Variants in CDKL2 observed in about 807,000 individuals in gnomAD.
The protein encoded by CDKL2 is cyclin-dependent kinase-like 2.
A neutral mutation model predicts 63.9 loss-of-function variants in CDKL2; 64 were observed. The observed-to-expected ratio is 1.00, with a 90% confidence interval of 0.82 to 1.23. CDKL2 has a LOEUF of 1.23. Ranked by LOEUF, CDKL2 falls within the 50% of genes most tolerant of loss-of-function variation. CDKL2 has a pLI of 0.00. For synonymous variants in CDKL2, 211 were observed against 229.2 expected (o/e 0.92, Z 0.72); for missense variants, 656 against 668.0 (o/e 0.98, Z 0.20).
At chr4:75,608,170 G>A (rs375413731) in intron 3 of CDKL2, among the ~76,000 whole-genome samples, 5 of 130,696 alleles carry the variant, frequency 3.8e-5, no homozygotes, top group African/African-American at 1.4e-4. Context: ...TGTCGCCCAG[G>A]CTGGAGTGCA....
chr4:75,625,898 C>G lies in CDKL2; in HGVS notation c.91G>C (p.Ala31Pro). 6.2e-7 allele frequency: 1 copy of G among 1,612,862 alleles called. No individual in the cohort carries two copies. Among genetic ancestry groups the G allele is most frequent in the Non-Finnish European group, 8.5e-7 (1 of 1,179,240 alleles). ...CRNKDTGRIV[A>P]IKKFLESDDD... ...TCACTTTCTAAGAACTTCTTTATGG[C>G]CACAATTCTTCCAGTATCTTTATTC... The change falls in exon 2 of 14, where the codon GCC (alanine) becomes CCC (proline). Residue 31 changes from alanine (A) to proline (P), a missense_variant. Transcript: ENST00000307465.
intron 12 of CDKL2, among the ~76,000 whole-genome samples, chr4:75,582,223 G>T (rs1186922535): frequency 5.9e-5 from 9 of 152,194 alleles, no homozygotes; most frequent in Admixed American, 5.2e-4. Flanking sequence ...AAACCTGTTG[G>T]AACCATCATA....
rs966170820 is a variant in CDKL2 at position 75,630,494 on chromosome 4, C to T, written c.-482G>A. On this transcript the variant is annotated 5_prime_UTR_variant, in exon 1 of 14. Coordinates refer to ENST00000307465, the MANE Select transcript of CDKL2 (RefSeq NM_001330724.2). ...GGGAACCTGCACCGCTCCAACTACC[C>T]CTGGGCGAAGGCGTTGGCCGCGGAG... 1.3e-5 allele frequency: 2 copies of T among 152,318 alleles called. No individual in the cohort carries two copies. The highest frequency in any genetic ancestry group is 2.9e-5 in the Non-Finnish European group (2 of 68,102). The allele number at this position is 152,318 out of a possible 1,614,324, so 9.4% of individuals were successfully genotyped here.
At chr4:75,623,359 TA>T (rs1308641907) in intron 2 of CDKL2, among the ~76,000 whole-genome samples, 1 of 152,096 alleles carries the variant, frequency 6.6e-6, no homozygotes, top group African/African-American at 2.4e-5. Flanking sequence ...TGGGACAGAA[TA>T]AAATCTTACC....
chr4:75,597,996 T>C, intron 8 of CDKL2, 81 bp downstream of exon 8: 2 of 1,019,862 alleles, frequency 2.0e-6, no homozygotes, highest in Non-Finnish European at 2.7e-6. Context: ...CTCAGAAAAC[T>C]TTTTTCAAAA....
intron 6 of CDKL2, among the ~76,000 whole-genome samples, chr4:75,602,476 C>T (rs1270648448): frequency 6.7e-6 from 1 of 148,930 alleles, no homozygotes; most frequent in Non-Finnish European, 1.5e-5. Flanking sequence ...CCATGCCCGG[C>T]CATCCTATGC....
intron 10 of CDKL2, among the ~76,000 whole-genome samples, chr4:75,592,477 T>C (rs1046377031): frequency 6.6e-6 from 1 of 152,226 alleles, no homozygotes; most frequent in Non-Finnish European, 1.5e-5. Context: ...TGCTAACAAG[T>C]AGATAACTTG....
In CDKL2 at chr4:75,629,304, G is replaced by A. The variant is rs553625656; in HGVS notation, c.-30+738C>T. On this transcript the variant is annotated intron_variant, in intron 1 of 13. Coordinates refer to ENST00000307465, the MANE Select transcript of CDKL2 (RefSeq NM_001330724.2). ...AAAAATGACTTTAAGCATGTCTGAG[G>A]TGTTCTGAAGCATATCCCAAGCTAA... Among the ~76,000 whole-genome samples the A allele has an allele frequency of 1.5e-3, 227 of 152,304 alleles. 2 individuals are homozygous for A. Among genetic ancestry groups the A allele is most frequent in the Non-Finnish European group, 6.6e-4 (45 of 68,032 alleles).
chr4:75,624,015 T>C (rs1260622751), intron 2 of CDKL2, among the ~76,000 whole-genome samples: 2 of 151,172 alleles, frequency 1.3e-5, no homozygotes, highest in African/African-American at 4.9e-5. Context: ...GCGCCTATAG[T>C]ACCAGCTACT....
chr4:75,609,139 T>A (rs1729561963), intron 3 of CDKL2, among the ~76,000 whole-genome samples: 1 of 152,206 alleles, frequency 6.6e-6, no homozygotes, highest in African/African-American at 2.4e-5. Context: ...TTAGTTTTAA[T>A]GGAATAATTA....
In CDKL2 at chr4:75,626,018, C is replaced by T; in HGVS notation, c.-29-1G>A. 1 of 1,577,264 alleles carries T rather than the reference C, an allele frequency of 6.3e-7. No individual in the cohort carries two copies. Among genetic ancestry groups the T allele is most frequent in the South Asian group, 1.2e-5 (1 of 86,014 alleles). On this transcript the variant is annotated splice_acceptor_variant, in intron 1 of 13. Coordinates refer to ENST00000307465, the MANE Select transcript of CDKL2 (RefSeq NM_001330724.2). LOFTEE classifies it low-confidence loss of function (5UTR_SPLICE). ...ATTTAAAGTCCGTAGAAACTTTTTG[C>T]TGTGAAAACCAAAACATAGATTTAA...
chr4:75,608,997 A>T (rs987306496), intron 3 of CDKL2, among the ~76,000 whole-genome samples: 4 of 37,790 alleles, frequency 1.1e-4, no homozygotes, highest in East Asian at 6.5e-3. Flanking sequence ...CCATCTCAAG[A>T]AAAAAAAAAA....
At chr4:75,587,310 C>T (rs894112689) in intron 12 of CDKL2, among the ~76,000 whole-genome samples, 4 of 151,776 alleles carry the variant, frequency 2.6e-5, no homozygotes, top group Non-Finnish European at 5.9e-5. Context: ...AAAAATTAGC[C>T]GAGTGTAGTG....
At chr4:75,621,296 C>CA (rs59563954) in intron 2 of CDKL2, among the ~76,000 whole-genome samples, 67,775 of 128,692 alleles carry the variant, frequency 0.53, 18,016 homozygotes, top group African/African-American at 0.58. Flanking sequence ...AATTAACAGA[C>CA]AAAAAAAAAA....
chr4:75,584,097 T>C (rs1728371155), intron 12 of CDKL2, among the ~76,000 whole-genome samples: 1 of 152,226 alleles, frequency 6.6e-6, no homozygotes, highest in Non-Finnish European at 1.5e-5. Flanking sequence ...TAAATGTTAC[T>C]AATTAGCTGT....
intron 7 of CDKL2, among the ~76,000 whole-genome samples, chr4:75,599,763 A>G (rs1369574905): frequency 6.6e-6 from 1 of 152,114 alleles, no homozygotes; most frequent in South Asian, 2.1e-4. Context: ...TGTTACTGCC[A>G]CTCATCTCAC....
At chr4:75,580,825 C>T (rs942666778) in intron 13 of CDKL2, among the ~76,000 whole-genome samples, 1 of 149,494 alleles carries the variant, frequency 6.7e-6, no homozygotes, top group Non-Finnish European at 1.5e-5. Flanking sequence ...CTCAGCCTCC[C>T]GAGTAGCTGG....
chr4:75,603,727 AAG>A, intron 6 of CDKL2, 88 bp downstream of exon 6: 18 of 789,192 alleles, frequency 2.3e-5, no homozygotes, highest in Non-Finnish European at 2.3e-5. Flanking sequence ...AAAAAAAAAA[AAG>A]ATCAACTAGA....
chr4:75,598,207 GA>G lies in CDKL2; in HGVS notation c.889del (p.Ser297ProfsTer6), dbSNP rs2148878249. 7.0e-7 allele frequency: 1 copy of G among 1,438,266 alleles called. No individual in the cohort carries two copies. The highest frequency in any genetic ancestry group is 9.4e-7 in the Non-Finnish European group (1 of 1,063,484). 89.1% of individuals were successfully genotyped at this position (1,438,266 alleles called of 1,614,324 possible). On this transcript the variant is annotated frameshift_variant, in exon 8 of 14. Coordinates refer to ENST00000307465, the MANE Select transcript of CDKL2 (RefSeq NM_001330724.2). LOFTEE classifies it high-confidence loss of function. ...FQMDGFAERF[S>X]QELQLKVQKD... The stretch of plus-strand genomic sequence containing the variant: ...CTGTACTTTTAACTGTAGTTCTTGG[GA>G]AAACCTACATAAAAATATAATAAAA...
Sources: allele counts gnomAD v4.1 joint callset (sites outside exome capture counted in the v4.1 genomes callset), GRCh38; gene constraint gnomAD v4.1.1; transcripts MANE v1.5; gene names NCBI Gene and HGNC (gene_info 2026-07-23, HGNC 2026-07-21).